Variants in MEIKIN observed in about 807,000 individuals in gnomAD.
The protein encoded by MEIKIN is meiotic kinetochore factor, also known as meiosis-specific kinetochore protein.
chr5:131,810,424 A>C (rs963249152), intron 12 of MEIKIN, among the ~76,000 whole-genome samples: 4 of 152,190 alleles, frequency 2.6e-5, no homozygotes, highest in Non-Finnish European at 5.9e-5. Context: ...TCAAAGTTAA[A>C]AGTGTCCTCT....
chr5:131,923,485 C>G, intron 5 of MEIKIN, among the ~76,000 whole-genome samples: 2 of 151,426 alleles, frequency 1.3e-5, no homozygotes, highest in South Asian at 4.2e-4. Context: ...TTTTTTTCCT[C>G]TAAATTTTAA....
chr5:131,924,634 A>G lies in MEIKIN; in HGVS notation c.479-2693T>C, dbSNP rs897591220. On this transcript the variant is annotated intron_variant, in intron 5 of 12. Transcript: ENST00000442687. ...ATTGCTGCTGCTGCTTTGGAGAAATATCTATTCAAGTTATTTGTCTATTTT... is the reference window on the plus strand; with the variant it reads ...ATTGCTGCTGCTGCTTTGGAGAAATGTCTATTCAAGTTATTTGTCTATTTT... Among the ~76,000 whole-genome samples the G allele has an allele frequency of 4.6e-5, 7 of 152,190 alleles. No homozygotes were observed. The South Asian group carries it at 6.2e-4, about 14-fold the overall frequency.
intron 11 of MEIKIN, among the ~76,000 whole-genome samples, chr5:131,819,292 C>T (rs1749432174): frequency 6.6e-6 from 1 of 151,684 alleles, no homozygotes; most frequent in African/African-American, 2.4e-5. Context: ...TCCCATCAGG[C>T]AGATAGTCTC....
At chr5:131,933,997 G>C (rs557077035) in intron 4 of MEIKIN, among the ~76,000 whole-genome samples, 1 of 152,008 alleles carries the variant, frequency 6.6e-6, no homozygotes, top group African/African-American at 2.4e-5. Context: ...CCAGGGTGGA[G>C]TGCAGTAGCA....
chr5:131,914,592 G>A (rs111472060), intron 7 of MEIKIN, among the ~76,000 whole-genome samples: 10,334 of 100,266 alleles, frequency 0.1, 873 homozygotes, highest in African/African-American at 0.26. Flanking sequence ...GAAGGGAAGG[G>A]AAGGGAAGGG....
chr5:131,808,082 A>G lies in MEIKIN; in HGVS notation c.1100-824T>C, dbSNP rs781012007. ...TGAGAAATGTAGAATCAGCAGTCCC[A>G]TTCTAAAAGTACTAAATCAAAGTCT... On this transcript the variant is annotated intron_variant, in intron 12 of 12. Transcript: ENST00000442687. 3.9e-4 allele frequency among the ~76,000 whole-genome samples: 59 copies of G among 152,368 alleles called. 1 individual carries two copies. The highest frequency in any genetic ancestry group is 6.5e-4 in the Admixed American group (10 of 15,308).
rs1316076681 is a variant in MEIKIN at position 131,921,942 on chromosome 5, C to A, written c.479-1G>T. On this transcript the variant is annotated splice_acceptor_variant, in intron 5 of 12. Coordinates refer to ENST00000442687, the MANE Select transcript of MEIKIN (RefSeq NM_001303622.2). LOFTEE classifies it high-confidence loss of function. ...TCTTCCAAGTTGGGACACTCCCAGT[C>A]TAAAACAGCAGAGAAGAAATAGTGT... The A allele has an allele frequency of 2.5e-6, 1 of 398,860 alleles. No individual in the cohort carries two copies. Among genetic ancestry groups the A allele is most frequent in the Admixed American group, 4.4e-5 (1 of 22,724 alleles). 24.7% of individuals were successfully genotyped at this position (398,860 alleles called of 1,614,324 possible).
intron 6 of MEIKIN, among the ~76,000 whole-genome samples, chr5:131,920,325 A>C (rs369193846): frequency 6.6e-6 from 1 of 152,344 alleles, no homozygotes; most frequent in African/African-American, 2.4e-5. Context: ...CCAATTAATA[A>C]AAGTAGCAGG....
intron 6 of MEIKIN, among the ~76,000 whole-genome samples, chr5:131,919,966 C>T (rs1751477457): frequency 6.6e-6 from 1 of 152,082 alleles, no homozygotes; most frequent in African/African-American, 2.4e-5. Context: ...TCTAGCTATA[C>T]ATATTACAAG....
intron 8 of MEIKIN, among the ~76,000 whole-genome samples, chr5:131,901,029 G>A (rs942065289): frequency 5.3e-5 from 8 of 152,086 alleles, no homozygotes; most frequent in African/African-American, 1.4e-4. Flanking sequence ...CATTGCTGTC[G>A]AAGCATTTGC....
At chr5:131,870,490 C>T (rs143391449) in intron 9 of MEIKIN, among the ~76,000 whole-genome samples, 24 of 152,218 alleles carry the variant, frequency 1.6e-4, no homozygotes, top group East Asian at 1.5e-3. Context: ...TAGGACATTT[C>T]GCCCGTTTCC....
chr5:131,931,101 T>C (rs768330186), intron 5 of MEIKIN, among the ~76,000 whole-genome samples: 1 of 152,184 alleles, frequency 6.6e-6, no homozygotes, highest in African/African-American at 2.4e-5. Context: ...AGTCTGGCAT[T>C]GTACAGAAGA....
chr5:131,863,583 T>TTTTTTTTTA (rs59212199), intron 9 of MEIKIN, among the ~76,000 whole-genome samples: 1 of 109,024 alleles, frequency 9.2e-6, no homozygotes, highest in Non-Finnish European at 2.0e-5. Flanking sequence ...TTTTTTTTTT[T>TTTTTTTTTA]ACTGTTTTTG....
chr5:131,894,023 T>C (rs895842143), intron 8 of MEIKIN, among the ~76,000 whole-genome samples: 2 of 152,364 alleles, frequency 1.3e-5, no homozygotes, highest in East Asian at 1.9e-4. Context: ...AAGGTTATTA[T>C]GGTTGTAGGT....
At chr5:131,891,441 T>C (rs1580893270) in intron 8 of MEIKIN, among the ~76,000 whole-genome samples, 2 of 152,242 alleles carry the variant, frequency 1.3e-5, no homozygotes, top group Non-Finnish European at 1.5e-5. Flanking sequence ...TTAGCTTTTC[T>C]TGTTGAATTG....
At chr5:131,815,098 T>G (rs1172617966) in intron 12 of MEIKIN, among the ~76,000 whole-genome samples, 2 of 142,756 alleles carry the variant, frequency 1.4e-5, no homozygotes, top group African/African-American at 5.3e-5. Flanking sequence ...TCATCCATGG[T>G]CTCATGGAAT....
At chr5:131,907,994 C>T (rs926457203) in intron 8 of MEIKIN, among the ~76,000 whole-genome samples, 1 of 152,082 alleles carries the variant, frequency 6.6e-6, no homozygotes, top group African/African-American at 2.4e-5. Flanking sequence ...CTGTTGAATT[C>T]TACCAAATAT....
chr5:131,841,144 G>A lies in MEIKIN; in HGVS notation c.975+10120C>T, dbSNP rs1160270151. On this transcript the variant is annotated intron_variant, in intron 11 of 12. Transcript: ENST00000442687. ...TCAGCTCCCAACTCCTGAAATGCAA[G>A]CTCTAATTCTGAGGGACTTGTACTG... 1.4e-4 allele frequency among the ~76,000 whole-genome samples: 21 copies of A among 152,150 alleles called. 1 individual carries two copies. The highest frequency in any genetic ancestry group is 1.3e-3 in the Admixed American group (20 of 15,264).
At chr5:131,866,874 C>T (rs1750393980) in intron 9 of MEIKIN, among the ~76,000 whole-genome samples, 1 of 152,168 alleles carries the variant, frequency 6.6e-6, no homozygotes, top group African/African-American at 2.4e-5. Context: ...GATCTCTAGG[C>T]CACAGAGAAT....
Sources: gnomAD v4.1 joint callset for allele counts (sites outside exome capture counted in the v4.1 genomes callset) on GRCh38, gnomAD v4.1.1 for gene constraint, MANE v1.5 for transcripts, NCBI Gene and HGNC (gene_info 2026-07-23, HGNC 2026-07-21) for gene names.